The following PSD3 variants were observed in gnomAD, a reference collection of about 807,000 sequenced individuals.
PSD3 encodes PH and SEC7 domain-containing protein 3.
A neutral mutation model predicts 105.5 loss-of-function variants in PSD3; 49 were observed. The observed-to-expected ratio is 0.46, with a 90% CI of 0.37 to 0.59. The LOEUF (loss-of-function observed/expected upper bound fraction) is 0.59. Among genes scored for constraint, PSD3 ranks in the 20% least tolerant of loss-of-function variants. The pLI is 0.00. For synonymous variants in PSD3, 557 were observed against 457.8 expected, an observed-to-expected ratio of 1.22 and a Z score of -2.77; for missense variants, 1,561 against 1,263.8, an observed-to-expected ratio of 1.24 and a Z score of -3.57.
At position 18,732,646 on chromosome 8, in the gene PSD3, C is replaced by T. The variant is rs1004508946; in HGVS notation, c.2172+32803G>A. Among the ~76,000 whole-genome samples, 66 of 152,270 alleles carry T rather than the reference C, an allele frequency of 4.3e-4. 1 individual carries two copies. The highest frequency in any genetic ancestry group is 1.3e-3 in the African/African-American group (52 of 41,556). On this transcript the variant is annotated intron_variant, in intron 9 of 15. Coordinates refer to ENST00000327040, the MANE Select transcript of PSD3 (RefSeq NM_015310.4). ...AGCTTCCTTCCTTACATGGTGGCTC[C>T]GAAACTGCCAGGCCTCTTAAGGCCT...
At chr8:18,983,947 G>A (rs762317606) in intron 1 of PSD3, among the ~76,000 whole-genome samples, 1 of 150,106 alleles carries the variant, frequency 6.7e-6, no homozygotes, top group Non-Finnish European at 1.5e-5. Flanking sequence ...CAAGATTGCA[G>A]TGAAATATGA....
intron 12 of PSD3, among the ~76,000 whole-genome samples, chr8:18,585,160 G>A (rs1803086322): frequency 6.6e-6 from 1 of 152,144 alleles, no homozygotes; most frequent in Admixed American, 6.5e-5. Context: ...GGAAACAAAG[G>A]TAGAAGAAAT....
chr8:18,663,238 C>T (rs1292810025), intron 9 of PSD3, among the ~76,000 whole-genome samples: 7 of 152,024 alleles, frequency 4.6e-5, no homozygotes, highest in Non-Finnish European at 1.0e-4. Context: ...ACCAGCCTAG[C>T]CAACGTGGCG....
At chr8:18,681,102 C>T (rs1563167159) in intron 9 of PSD3, among the ~76,000 whole-genome samples, 1 of 152,104 alleles carries the variant, frequency 6.6e-6, no homozygotes, top group Non-Finnish European at 1.5e-5. Flanking sequence ...ATTATTACAC[C>T]TATTCTAGAA....
intron 4 of PSD3, among the ~76,000 whole-genome samples, chr8:18,834,944 GGTAAGCAGATAA>G (rs1225324052): frequency 6.6e-6 from 1 of 152,158 alleles, no homozygotes; most frequent in East Asian, 1.9e-4. Flanking sequence ...GTAAAAAAAG[GGTAAGCAGATAA>G]GAATTAGACA....
At chr8:18,660,277 C>A (rs958543056) in intron 9 of PSD3, among the ~76,000 whole-genome samples, 1 of 151,940 alleles carries the variant, frequency 6.6e-6, no homozygotes, top group Non-Finnish European at 1.5e-5. Flanking sequence ...AGAATGCTGG[C>A]GACCACCAGA....
chr8:18,860,823 T>TAA (rs893981130), intron 4 of PSD3, among the ~76,000 whole-genome samples: 3 of 152,180 alleles, frequency 2.0e-5, no homozygotes, highest in Non-Finnish European at 4.4e-5. Flanking sequence ...CTCGATCAAT[T>TAA]AAAGTATTAA....
At chr8:18,829,771 A>C (rs1185346292) in intron 4 of PSD3, among the ~76,000 whole-genome samples, 2 of 152,196 alleles carry the variant, frequency 1.3e-5, no homozygotes, top group African/African-American at 4.8e-5. Context: ...CTTGAAATAA[A>C]ATACATGAGA....
At chr8:18,808,752 T>C in intron 4 of PSD3, 2 of 1,614,046 alleles carry the variant, frequency 1.2e-6, no homozygotes, top group Non-Finnish European at 1.7e-6. Flanking sequence ...AATATAAACT[T>C]ACCAGCAACC....
intron 4 of PSD3, among the ~76,000 whole-genome samples, chr8:18,856,206 A>G (rs957720063): frequency 6.6e-6 from 1 of 152,176 alleles, no homozygotes; most frequent in Admixed American, 6.5e-5. Flanking sequence ...CCTCCGTGAC[A>G]TCCCACGATG....
upstream of PSD3, among the ~76,000 whole-genome samples, chr8:19,018,693 G>C (rs1483124571): frequency 6.6e-6 from 1 of 152,244 alleles, no homozygotes; most frequent in African/African-American, 2.4e-5. Context: ...ATTAAAGATA[G>C]AGGTGTTGAT....
chr8:18,796,876 A>C (rs1465551717), intron 8 of PSD3, among the ~76,000 whole-genome samples: 2 of 152,220 alleles, frequency 1.3e-5, no homozygotes, highest in Non-Finnish European at 2.9e-5. Context: ...TATTCTAGGT[A>C]GTATAGCATT....
chr8:18,589,565 G>C (rs529862261), intron 12 of PSD3, among the ~76,000 whole-genome samples: 169 of 152,234 alleles, frequency 1.1e-3, no homozygotes, highest in African/African-American at 3.9e-3. Flanking sequence ...AAACAGTTCA[G>C]ATAAAAAATA....
chr8:18,529,075 C>G lies in PSD3; in HGVS notation c.*6668G>C, dbSNP rs1285281077. ...TGTACTCCTCTCTCAAAGGAATGAT[C>G]TGCAGAGCAAGCAGCTCTGCCACCT... is the stretch of plus-strand genomic sequence containing the variant. On this transcript the variant is annotated 3_prime_UTR_variant, in exon 16 of 16. Coordinates refer to ENST00000327040, the MANE Select transcript of PSD3 (RefSeq NM_015310.4). 6.6e-6 allele frequency: 1 copy of G among 152,202 alleles called. No homozygotes were observed. The highest frequency in any genetic ancestry group is 1.5e-5 in the Non-Finnish European group (1 of 68,040). The allele number at this position is 152,202 out of a possible 1,614,324, so 9.4% of individuals were successfully genotyped here. A position where few individuals can be genotyped will look rare whatever the true frequency, so the allele number is the denominator to read the frequency against.
chr8:18,607,479 T>C (rs1563372089), intron 11 of PSD3, among the ~76,000 whole-genome samples: 1 of 152,088 alleles, frequency 6.6e-6, no homozygotes, highest in Non-Finnish European at 1.5e-5. Context: ...TCACCTCCTA[T>C]GAACCGGCAG....
intron 9 of PSD3, among the ~76,000 whole-genome samples, chr8:18,704,557 G>A (rs1028683506): frequency 6.6e-6 from 1 of 152,148 alleles, no homozygotes; most frequent in African/African-American, 2.4e-5. Context: ...AGGCTGGCTG[G>A]TCTTGAACTC....
intron 8 of PSD3, among the ~76,000 whole-genome samples, chr8:18,796,964 T>C (rs1022613983): frequency 2.6e-5 from 4 of 152,082 alleles, no homozygotes; most frequent in Non-Finnish European, 5.9e-5. Context: ...ATAGGGGCCA[T>C]GCTGACAAGT....
intron 2 of PSD3, among the ~76,000 whole-genome samples, chr8:18,905,621 CTCT>C (rs1268465109): frequency 6.6e-6 from 1 of 152,188 alleles, no homozygotes; most frequent in African/African-American, 2.4e-5. Context: ...CACACCCGGC[CTCT>C]TCTTTTATTC....
At chr8:18,665,713 G>C (rs1563155395) in intron 9 of PSD3, among the ~76,000 whole-genome samples, 1 of 152,158 alleles carries the variant, frequency 6.6e-6, no homozygotes, top group Non-Finnish European at 1.5e-5. Context: ...CTGGGTGTGG[G>C]TGGCGTGCAT....
Sources: allele counts gnomAD v4.1 joint callset (sites outside exome capture counted in the v4.1 genomes callset), GRCh38; gene constraint gnomAD v4.1.1; transcripts MANE v1.5; gene names NCBI Gene and HGNC (gene_info 2026-07-23, HGNC 2026-07-21).